The following CCDC106 variants were observed in gnomAD, a reference collection of about 807,000 sequenced individuals.
CCDC106 encodes coiled-coil domain containing 106, also known as coiled-coil domain-containing protein 106.
A neutral mutation model predicts 24.7 loss-of-function variants in CCDC106; 17 were observed. The observed-to-expected ratio is 0.69, with a 90% CI of 0.47 to 1.03. The LOEUF (loss-of-function observed/expected upper bound fraction) is 1.03, where lower values mean the gene tolerates loss of function less well. CCDC106 is among the 50% of genes least tolerant of loss of function. The probability of loss-of-function intolerance (pLI) is 0.00; values close to 1 mark genes in which losing one functional copy is unlikely to be tolerated. For synonymous variants in CCDC106, 211 were observed against 161.3 expected, an observed-to-expected ratio of 1.31 and a Z score of -2.34; for missense variants, 337 against 388.9, an observed-to-expected ratio of 0.87 and a Z score of 1.12.
chr19:55,651,165 T>C, intron 3 of CCDC106, 118 bp from the exon 4 acceptor site: 1 of 793,260 alleles, frequency 1.3e-6, no homozygotes, highest in East Asian at 2.6e-5. Context: ...TCTCTGTCTC[T>C]TTAGGGGACC....
chr19:55,649,199 C>T lies in CCDC106; in HGVS notation c.32-6C>T, dbSNP rs561015657. 8.7e-6 allele frequency: 14 copies of T among 1,613,378 alleles called. No individual in the cohort carries two copies. Among genetic ancestry groups the T allele is most frequent in the South Asian group, 1.1e-5 (1 of 91,062 alleles). On this transcript the variant is annotated splice_polypyrimidine_tract_variant and splice_region_variant and intron_variant, in intron 1 of 4. Coordinates refer to ENST00000586790, the MANE Select transcript of CCDC106 (RefSeq NM_001370470.1). ...TCTGGGGTAACCCGGGGCCTCTCCT[C>T]TCCAGTGAAGGACGATGAGACCTTC... is the stretch of plus-strand genomic sequence containing the variant.
Position 55,649,288 on chromosome 19 carries a change from C to G in CCDC106, c.115C>G (p.Pro39Ala). The G allele has an allele frequency of 1.2e-6, 2 of 1,614,030 alleles. No individual in the cohort carries two copies. Among genetic ancestry groups the G allele is most frequent in the African/African-American group, 2.7e-5 (2 of 75,006 alleles). Residue 39 changes from proline to alanine, a missense_variant, in exon 2 of 5, where the codon CCC (proline) becomes GCC (alanine). By Grantham distance (27) the Pro-to-Ala change is conservative. Transcript: ENST00000586790. The stretch of plus-strand genomic sequence containing the variant: ...CCCACAGATCTTTTACAGTCTGAGC[C>G]CCTCTCGGAGAAACTTCGAGGGTGA... The part of the protein sequence containing the change: ...LDPQIFYSLS[P>A]SRRNFEEPPE...
In CCDC106 at chr19:55,648,904, C is replaced by G; in HGVS notation, c.-143C>G. 2.4e-6 allele frequency: 2 copies of G among 828,920 alleles called. No individual in the cohort carries two copies. Among genetic ancestry groups the G allele is most frequent in the Non-Finnish European group, 2.0e-6 (1 of 493,614 alleles). The allele number at this position is 828,920 out of a possible 1,614,324, so 51.3% of individuals were successfully genotyped here. On this transcript the variant is annotated 5_prime_UTR_variant, in exon 1 of 5. Transcript: ENST00000586790. ...CTCCCTCCTCCCTCAGACCAGGGGT[C>G]CAGGCCAGAAGGTCCCTCCTGTCTC...
Position 55,649,439 on chromosome 19 carries a change from T to A in CCDC106, c.168T>A (p.Ala56=), listed in dbSNP as rs758162606. The A allele has an allele frequency of 1.4e-5, 23 of 1,613,978 alleles. No individual in the cohort carries two copies. Among genetic ancestry groups the A allele is most frequent in the Non-Finnish European group, 1.6e-5 (19 of 1,180,004 alleles). ...EPPEAASSAL[A]LMNSVKTQLH... is the part of the protein sequence containing the mutation. Reference sequence around the variant, plus strand: ...CGGAGGCTGCGTCCTCCGCCCTGGCTCTGATGAACAGCGTCAAGACCCAGC... The same window carrying A: ...CGGAGGCTGCGTCCTCCGCCCTGGCACTGATGAACAGCGTCAAGACCCAGC... The change falls in exon 3 of 5, where the codon GCT becomes GCA. Residue 56 remains alanine, a synonymous_variant. Coordinates refer to ENST00000586790, the MANE Select transcript of CCDC106 (RefSeq NM_001370470.1).
chr19:55,651,347 G>T lies in CCDC106; in HGVS notation c.378G>T (p.Gly126=). The T allele has an allele frequency of 6.2e-7, 1 of 1,613,374 alleles. No individual in the cohort carries two copies. The highest frequency in any genetic ancestry group is 8.5e-7 in the Non-Finnish European group (1 of 1,179,874). Residue 126 remains glycine (G), a synonymous_variant, in exon 4 of 5, where the codon GGG becomes GGT. Transcript: ENST00000586790. ...AGGGGGACAGCCGTGGTGGGGCTGG[G>T]GGCGAGGCCTCGGACCCTGAGTCAG... ...RMEGDSRGGA[G]GEASDPESAA...
chr19:55,648,941 C>T lies in CCDC106; in HGVS notation c.-106C>T. 1.8e-6 allele frequency: 2 copies of T among 1,135,516 alleles called. No individual in the cohort carries two copies. Among genetic ancestry groups the T allele is most frequent in the Non-Finnish European group, 2.7e-6 (2 of 751,138 alleles). 70.3% of individuals were successfully genotyped at this position (1,135,516 alleles called of 1,614,324 possible). A position where few individuals can be genotyped will look rare whatever the true frequency, so the allele number is the denominator to read the frequency against. The stretch of plus-strand genomic sequence containing the variant: ...GTCCCTCCTGTCTCACTTCACCTCC[C>T]CCAGGATGGACCCTCCAGTCCATCT... On this transcript the variant is annotated 5_prime_UTR_variant, in exon 1 of 5. Coordinates refer to ENST00000586790, the MANE Select transcript of CCDC106 (RefSeq NM_001370470.1).
chr19:55,649,406 AGAGCCTCCGGAG>A lies in CCDC106; in HGVS notation c.137_148del (p.Glu46_Glu49del). On this transcript the variant is annotated splice_acceptor_variant and coding_sequence_variant, in exon 3 of 5. Coordinates refer to ENST00000586790, the MANE Select transcript of CCDC106 (RefSeq NM_001370470.1). LOFTEE classifies it high-confidence loss of function. ...GTCCCCCCACCCTCGCTGTGTCCCT[AGAGCCTCCGGAG>A]GCTGCGTCCTCCGCCCTGGCTCTGA... 1 of 1,613,952 alleles carries A rather than the reference AGAGCCTCCGGAG, an allele frequency of 6.2e-7. No homozygotes were observed. Among genetic ancestry groups the A allele is most frequent in the Non-Finnish European group, 8.5e-7 (1 of 1,179,918 alleles).
intron 3 of CCDC106, among the ~76,000 whole-genome samples, chr19:55,650,981 C>T (rs749374595): frequency 1.3e-5 from 2 of 152,176 alleles, no homozygotes; most frequent in Admixed American, 1.3e-4. Context: ...AGAAATTTCT[C>T]CCTCCCCTAT....
At chr19:55,650,959 C>T (rs139747659) in intron 3 of CCDC106, among the ~76,000 whole-genome samples, 163 of 152,288 alleles carry the variant, frequency 1.1e-3, no homozygotes, top group African/African-American at 3.6e-3. Context: ...CCAGAGGTCC[C>T]GCCCAGTCCC....
In CCDC106 at chr19:55,648,248, G is replaced by T. The variant is rs1386166027; in HGVS notation, c.-799G>T. The T allele has an allele frequency of 1.3e-5, 2 of 152,258 alleles. No individual in the cohort carries two copies. Among genetic ancestry groups the T allele is most frequent in the South Asian group, 2.1e-4 (1 of 4,832 alleles). 9.4% of individuals were successfully genotyped at this position (152,258 alleles called of 1,614,324 possible). On this transcript the variant is annotated 5_prime_UTR_variant, in exon 1 of 5. Transcript: ENST00000586790. ...GGCGCCGGGCATGGGCGCCGCCGCC[G>T]TCGGTCCCCGAGCCGGATTCCGCGA...
chr19:55,650,414 C>T lies in CCDC106; in HGVS notation c.313+830C>T, dbSNP rs560597921. Among the ~76,000 whole-genome samples the T allele has an allele frequency of 7.9e-5, 12 of 152,266 alleles. No homozygotes were observed. The South Asian group carries it at 8.3e-4, about 11-fold the overall frequency. Reference sequence around the variant, plus strand: ...TCCCCGGATGGTCAGGCCGTTTGCCCGACAGCCCATGGCCTGGAGAACCCA... The same window carrying T: ...TCCCCGGATGGTCAGGCCGTTTGCCTGACAGCCCATGGCCTGGAGAACCCA... On this transcript the variant is annotated intron_variant, in intron 3 of 4. Coordinates refer to ENST00000586790, the MANE Select transcript of CCDC106 (RefSeq NM_001370470.1).
rs560053032 is a variant in CCDC106, at chr19:55,648,598, G to T, written c.-449G>T. 1.0e-4 allele frequency: 19 copies of T among 188,788 alleles called. No homozygotes were observed. The highest frequency in any genetic ancestry group is 7.5e-4 in the Admixed American group (14 of 18,638). 11.7% of individuals were successfully genotyped at this position (188,788 alleles called of 1,614,324 possible). ...GCTGGACCTCCTCCTACCCTGGGAA[G>T]TTGGGGCAGTTTCCCCCTGCACCTG... On this transcript the variant is annotated 5_prime_UTR_variant, in exon 1 of 5. Transcript: ENST00000586790.
Position 55,653,094 on chromosome 19 carries a change from A to C in CCDC106, c.*348A>C. 5 of 235,162 alleles carry C rather than the reference A, an allele frequency of 2.1e-5. No individual in the cohort carries two copies. The highest frequency in any genetic ancestry group is 3.3e-5 in the Non-Finnish European group (4 of 121,418). 14.6% of individuals were successfully genotyped at this position (235,162 alleles called of 1,614,324 possible). Reference sequence around the variant, plus strand: ...CCTGATTCCCGGACAGACCTCCCCAACTCCGCGTGAGACAGAGAATTATTC... The same window carrying C: ...CCTGATTCCCGGACAGACCTCCCCACCTCCGCGTGAGACAGAGAATTATTC... On this transcript the variant is annotated 3_prime_UTR_variant, in exon 5 of 5. Coordinates refer to ENST00000586790, the MANE Select transcript of CCDC106 (RefSeq NM_001370470.1).
At chr19:55,651,697 C>T (rs1035335517) in intron 4 of CCDC106, among the ~76,000 whole-genome samples, 73 of 151,674 alleles carry the variant, frequency 4.8e-4, no homozygotes, top group South Asian at 8.3e-4. Flanking sequence ...CTTGCCCCGT[C>T]GCCCAGGCTG....
chr19:55,651,908 T>C (rs1019996460), intron 4 of CCDC106, among the ~76,000 whole-genome samples: 1 of 152,156 alleles, frequency 6.6e-6, no homozygotes, highest in African/African-American at 2.4e-5. Flanking sequence ...GTGATCCACC[T>C]GCCTCGGCCT....
chr19:55,649,485 A>G lies in CCDC106; in HGVS notation c.214A>G (p.Asn72Asp), dbSNP rs1983095909. The change falls in exon 3 of 5, where the codon AAC becomes GAC. Residue 72 changes from asparagine to aspartate, a missense_variant. Physicochemically the swap from Asn to Asp is conservative, Grantham distance 23. This residue lies in a region of CCDC106 where 234 missense variants were observed against 236.5 expected (regional missense o/e 0.99). Transcript: ENST00000586790. ...KTQLHMALER[N>D]SWLQKRIEDL... ...CCAGCTGCACATGGCTCTGGAGAGG[A>G]ACTCCTGGCTGCAGAAGCGCATCGA... The G allele has an allele frequency of 6.2e-7, 1 of 1,614,020 alleles. No homozygotes were observed. Among genetic ancestry groups the G allele is most frequent in the Non-Finnish European group, 8.5e-7 (1 of 1,179,984 alleles).
intron 4 of CCDC106, 42 bp downstream of exon 4, chr19:55,651,537 G>A: frequency 2.2e-6 from 3 of 1,333,820 alleles, no homozygotes; most frequent in Non-Finnish European, 3.1e-6. Context: ...GGCCCGGGCT[G>A]CTGAATTGCT....
At chr19:55,651,614 C>G in intron 4 of CCDC106, 119 bp downstream of exon 4, 2 of 682,070 alleles carry the variant, frequency 2.9e-6, no homozygotes, top group East Asian at 2.8e-5. Flanking sequence ...AAAGACCCAC[C>G]GGGTTCTGTC....
At chr19:55,651,077 A>C (rs1382492982) in intron 3 of CCDC106, among the ~76,000 whole-genome samples, 2 of 152,052 alleles carry the variant, frequency 1.3e-5, no homozygotes, top group Non-Finnish European at 2.9e-5. Context: ...CTCTGAGAAA[A>C]TGCTCCACCC....
Sources: gnomAD v4.1 joint callset for allele counts (sites outside exome capture counted in the v4.1 genomes callset) on GRCh38, gnomAD v4.1.1 for gene constraint, gnomAD v4.1.1 regional missense constraint, MANE v1.5 for transcripts, NCBI Gene and HGNC (gene_info 2026-07-23, HGNC 2026-07-21) for gene names.